Variants in PLEKHA7 observed in about 807,000 individuals in gnomAD.
PLEKHA7 encodes pleckstrin homology domain containing A7, also known as pleckstrin homology domain-containing family A member 7.
Under a neutral mutation model 170.0 loss-of-function variants are expected in PLEKHA7, and 104 were observed. The observed-to-expected ratio is 0.61, with a 90% CI of 0.52 to 0.72. PLEKHA7 has a LOEUF of 0.72. PLEKHA7 is among the 30% of genes least tolerant of loss of function. The pLI, the probability that PLEKHA7 is intolerant of heterozygous loss-of-function variation, is 0.00. For synonymous variants in PLEKHA7, 648 were observed against 660.8 expected, an observed-to-expected ratio of 0.98 and a Z score of 0.30; for missense variants, 1,615 against 1,671.7, an observed-to-expected ratio of 0.97 and a Z score of 0.59.
At chr11:16,781,030 C>T (rs149725367) in intron 26 of PLEKHA7, 577 of 986,064 alleles carry the variant, frequency 5.9e-4, no homozygotes, top group South Asian at 9.9e-4. Context: ...GGCCTTTAGG[C>T]GGGAGGAGGG....
At chr11:17,003,504 A>G (rs1279172645) in intron 3 of PLEKHA7, among the ~76,000 whole-genome samples, 1 of 152,260 alleles carries the variant, frequency 6.6e-6, no homozygotes, top group Non-Finnish European at 1.5e-5. Flanking sequence ...ACAATGTGCC[A>G]GTAAACGTGG....
chr11:16,906,410 C>T (rs1458921153), intron 3 of PLEKHA7, among the ~76,000 whole-genome samples: 1 of 143,652 alleles, frequency 7.0e-6, no homozygotes, highest in African/African-American at 2.8e-5. Context: ...CGGCTCACTG[C>T]AACCTCCCTG....
At chr11:16,885,411 CA>C (rs1365270249) in intron 3 of PLEKHA7, among the ~76,000 whole-genome samples, 2 of 151,872 alleles carry the variant, frequency 1.3e-5, no homozygotes, top group Non-Finnish European at 2.9e-5. Context: ...CTAATCCCAG[CA>C]CTTTGGGAGG....
intron 3 of PLEKHA7, among the ~76,000 whole-genome samples, chr11:16,904,927 C>T (rs1234798583): frequency 6.6e-6 from 1 of 152,198 alleles, no homozygotes; most frequent in Admixed American, 6.5e-5. Flanking sequence ...CCTGTCAAAT[C>T]CATGCCATAT....
At chr11:16,919,927 T>C (rs1858965054) in intron 3 of PLEKHA7, among the ~76,000 whole-genome samples, 2 of 152,218 alleles carry the variant, frequency 1.3e-5, no homozygotes, top group South Asian at 4.1e-4. Context: ...TTCCCTTCTC[T>C]GGGATTTGTG....
At chr11:17,010,446 T>C (rs186372726) in intron 3 of PLEKHA7, among the ~76,000 whole-genome samples, 33 of 151,564 alleles carry the variant, frequency 2.2e-4, no homozygotes, top group Admixed American at 8.6e-4. Flanking sequence ...TGGAGAGTAT[T>C]AAAACATTTG....
At position 16,990,547 on chromosome 11, in the gene PLEKHA7, T is replaced by C. The variant is rs1240182127; in HGVS notation, c.221+23442A>G. Among the ~76,000 whole-genome samples the C allele has an allele frequency of 1.9e-4, 29 of 152,196 alleles. 1 individual carries two copies. Among genetic ancestry groups the C allele is most frequent in the Admixed American group, 1.9e-3 (29 of 15,280 alleles). ...GGCTGTGGGGTCCATAAAAGCCTTG[T>C]TCCCATCGATTCAGAGCCTTAATTT... On this transcript the variant is annotated intron_variant, in intron 3 of 26. Transcript: ENST00000531066.
chr11:16,843,703 G>A (rs1296949459), intron 8 of PLEKHA7, among the ~76,000 whole-genome samples: 1 of 152,250 alleles, frequency 6.6e-6, no homozygotes. Flanking sequence ...ACTTTGGGAA[G>A]CCAAGGCGGG....
chr11:16,941,621 T>C (rs1590676495), intron 3 of PLEKHA7, among the ~76,000 whole-genome samples: 2 of 152,232 alleles, frequency 1.3e-5, no homozygotes, highest in South Asian at 4.1e-4. Flanking sequence ...TCCTATTTAA[T>C]ACAACATTTA....
chr11:16,793,450 T>C (rs1266180577), intron 19 of PLEKHA7, among the ~76,000 whole-genome samples: 1 of 152,216 alleles, frequency 6.6e-6, no homozygotes, highest in Admixed American at 6.5e-5. Context: ...CCCTGGACTA[T>C]GGCTGGAAGC....
chr11:16,816,090 G>T (rs752894592), intron 12 of PLEKHA7, 88 bp downstream of exon 12: 2 of 1,092,178 alleles, frequency 1.8e-6, no homozygotes, highest in Non-Finnish European at 2.8e-6. Flanking sequence ...GTTAATAGCT[G>T]CCCTCTGGAC....
At chr11:16,955,435 C>T (rs1385769012) in intron 3 of PLEKHA7, among the ~76,000 whole-genome samples, 1 of 152,172 alleles carries the variant, frequency 6.6e-6, no homozygotes, top group African/African-American at 2.4e-5. Context: ...ACCTGTTTGT[C>T]CCACTGAACT....
chr11:16,932,966 A>G (rs1030684921), intron 3 of PLEKHA7, among the ~76,000 whole-genome samples: 5 of 152,214 alleles, frequency 3.3e-5, no homozygotes, highest in Admixed American at 1.3e-4. Flanking sequence ...TATAATACCT[A>G]GTAGGAATTT....
At chr11:16,795,103 C>A (rs967416678) in intron 17 of PLEKHA7, 85 bp from the exon 18 acceptor site, 3 of 999,870 alleles carry the variant, frequency 3.0e-6, no homozygotes, top group Admixed American at 3.5e-5. Context: ...CAGACAGAGC[C>A]CCCCGCCCTG....
At chr11:16,839,819 A>C (rs1851811097) in intron 9 of PLEKHA7, among the ~76,000 whole-genome samples, 1 of 152,188 alleles carries the variant, frequency 6.6e-6, no homozygotes, top group South Asian at 2.1e-4. Flanking sequence ...CTCCATGGAT[A>C]CCAAGGAATG....
At chr11:16,940,407 C>T (rs561549773) in intron 3 of PLEKHA7, among the ~76,000 whole-genome samples, 3 of 151,910 alleles carry the variant, frequency 2.0e-5, no homozygotes, top group African/African-American at 7.2e-5. Context: ...CCTGCCTCAG[C>T]CTCCTGAGTA....
At chr11:16,847,306 A>T (rs1261419818) in intron 8 of PLEKHA7, among the ~76,000 whole-genome samples, 2 of 151,500 alleles carry the variant, frequency 1.3e-5, no homozygotes, top group Non-Finnish European at 2.9e-5. Flanking sequence ...GTTAGCCAGG[A>T]TGGTCTCGAT....
chr11:16,967,066 A>G (rs746398650), intron 3 of PLEKHA7, among the ~76,000 whole-genome samples: 32 of 152,336 alleles, frequency 2.1e-4, no homozygotes, highest in Non-Finnish European at 3.1e-4. Context: ...TCTCCCAGTC[A>G]GCACAAAATC....
Position 16,789,490 on chromosome 11 carries a change from A to G in PLEKHA7, c.3157-194T>C. Reference sequence around the variant, plus strand: ...CCCAACCCTCAGGAGCTTTCTGAGTAGCACCCATTCTGCAGATGCAGACAC... The same window carrying G: ...CCCAACCCTCAGGAGCTTTCTGAGTGGCACCCATTCTGCAGATGCAGACAC... On this transcript the variant is annotated intron_variant, in intron 22 of 26. Transcript: ENST00000531066. This position sits in a 1 kb window ranked among gnomAD's most constrained non-coding sequence, Gnocchi z 4.6. 1.6e-6 allele frequency: 1 copy of G among 634,344 alleles called. No homozygotes were observed. The highest frequency in any genetic ancestry group is 2.7e-5 in the East Asian group (1 of 36,564). The allele number at this position is 634,344 out of a possible 1,614,324, so 39.3% of individuals were successfully genotyped here. A position where few individuals can be genotyped will look rare whatever the true frequency, so the allele number is the denominator to read the frequency against.
Sources: allele counts gnomAD v4.1 joint callset (sites outside exome capture counted in the v4.1 genomes callset), GRCh38; gene constraint gnomAD v4.1.1; non-coding constraint Gnocchi (gnomAD v3.1); transcripts MANE v1.5; gene names NCBI Gene and HGNC (gene_info 2026-07-23, HGNC 2026-07-21).